Variants in DAAM1 observed in about 807,000 individuals in gnomAD.
DAAM1 encodes disheveled-associated activator of morphogenesis 1.
In DAAM1, 52 loss-of-function variants were observed where a neutral mutation model predicts 130.0. The ratio of observed to expected loss-of-function variants is 0.40; its 90% confidence interval spans 0.32 to 0.50. The LOEUF (loss-of-function observed/expected upper bound fraction) is 0.50, where lower values mean the gene tolerates loss of function less well. Ranked by LOEUF, DAAM1 falls within the 20% of genes least tolerant of loss-of-function variation. DAAM1 has a pLI of 0.61. For missense variants in DAAM1, 1,134 were observed against 1,303.8 expected (o/e 0.87, Z 2.01); for synonymous variants, 452 against 444.5 (o/e 1.02, Z -0.21).
intron 15 of DAAM1, among the ~76,000 whole-genome samples, chr14:59,335,909 A>G (rs1440689170): frequency 2.0e-5 from 3 of 152,042 alleles, no homozygotes; most frequent in South Asian, 2.1e-4. Flanking sequence ...TTTTTATTCT[A>G]TAGGTATAAT....
intron 1 of DAAM1, among the ~76,000 whole-genome samples, chr14:59,203,185 T>A (rs1888165273): frequency 1.4e-5 from 2 of 141,994 alleles, no homozygotes; most frequent in South Asian, 4.4e-4. Flanking sequence ...TTTTTTTGTA[T>A]TTTTAGTAGA....
intron 12 of DAAM1, among the ~76,000 whole-genome samples, chr14:59,328,019 T>A (rs951620893): frequency 6.6e-6 from 1 of 152,262 alleles, no homozygotes; most frequent in African/African-American, 2.4e-5. Flanking sequence ...TACCATGCTC[T>A]CACCATACTG....
At position 59,371,121 on chromosome 14, in the gene DAAM1, C is replaced by T. The variant is rs1294075601; in HGVS notation, c.*2262C>T. On this transcript the variant is annotated 3_prime_UTR_variant, in exon 25 of 25. Transcript: ENST00000360909. ...GAAAAAAAAAAAACAAAAAAAAAAC[C>T]TACTTTTTAGATTGGTGCTGGTGTA... 1 of 148,024 alleles carries T rather than the reference C, an allele frequency of 6.8e-6. No homozygotes were observed. The highest frequency in any genetic ancestry group is 2.5e-5 in the African/African-American group (1 of 40,488). 9.2% of individuals were successfully genotyped at this position (148,024 alleles called of 1,614,324 possible).
At chr14:59,368,034 T>TGTA (rs1273114642) in intron 24 of DAAM1, among the ~76,000 whole-genome samples, 2 of 152,100 alleles carry the variant, frequency 1.3e-5, no homozygotes, top group South Asian at 2.1e-4. Context: ...GATTTCTACA[T>TGTA]GAAATCTTTT....
Position 59,275,653 on chromosome 14 carries a change from G to A in DAAM1, c.183+11993G>A, listed in dbSNP as rs918554933. Among the ~76,000 whole-genome samples the A allele has an allele frequency of 2.0e-5, 3 of 152,150 alleles. No homozygotes were observed. The East Asian group carries it at 5.8e-4, about 29-fold the overall frequency. On this transcript the variant is annotated intron_variant, in intron 2 of 24. Coordinates refer to ENST00000360909, the MANE Select transcript of DAAM1 (RefSeq NM_001270520.2). ...TAACGGTAAAAAAGCTGAATAAAAA[G>A]CCTATGTGTTTAGCTGCAGACTTTG... is the stretch of plus-strand genomic sequence containing the variant.
intron 1 of DAAM1, among the ~76,000 whole-genome samples, chr14:59,189,926 A>G (rs1404860047): frequency 6.6e-6 from 1 of 151,976 alleles, no homozygotes; most frequent in Non-Finnish European, 1.5e-5. Context: ...CTTTCTGGAG[A>G]GCATCAAGAG....
chr14:59,324,125 TAGAC>T lies in DAAM1; in HGVS notation c.775-1_777del. 7.2e-7 allele frequency: 1 copy of T among 1,386,930 alleles called. No individual in the cohort carries two copies. The highest frequency in any genetic ancestry group is 9.4e-7 in the Non-Finnish European group (1 of 1,059,226). 85.9% of individuals were successfully genotyped at this position (1,386,930 alleles called of 1,614,324 possible). Reference sequence around the variant, plus strand: ...CAGTCCTTTGTTTTTCTATTTTTGATAGACATTAATTAACGACTTGGATAAAAGC... The same window carrying T: ...CAGTCCTTTGTTTTTCTATTTTTGATATTAATTAACGACTTGGATAAAAGC... On this transcript the variant is annotated splice_acceptor_variant and coding_sequence_variant, in exon 7 of 25. Coordinates refer to ENST00000360909, the MANE Select transcript of DAAM1 (RefSeq NM_001270520.2). LOFTEE classifies it high-confidence loss of function.
At chr14:59,289,048 TG>T in intron 2 of DAAM1, among the ~76,000 whole-genome samples, 2 of 152,286 alleles carry the variant, frequency 1.3e-5, no homozygotes, top group African/African-American at 4.8e-5. Flanking sequence ...CCTGAGTAGC[TG>T]GGACTACAGG....
At chr14:59,266,956 G>T (rs902375605) in intron 2 of DAAM1, among the ~76,000 whole-genome samples, 1 of 152,276 alleles carries the variant, frequency 6.6e-6, no homozygotes, top group Non-Finnish European at 1.5e-5. Flanking sequence ...TGCTGATAGG[G>T]TTGGTGTAGA....
intron 22 of DAAM1, among the ~76,000 whole-genome samples, 155 bp downstream of exon 22, chr14:59,361,017 A>G (rs1209407233): frequency 6.6e-6 from 1 of 152,196 alleles, no homozygotes; most frequent in African/African-American, 2.4e-5. Context: ...AAGCAAAGGC[A>G]GGTTATGTTC....
intron 15 of DAAM1, among the ~76,000 whole-genome samples, chr14:59,337,337 T>C (rs1203800302): frequency 2.6e-5 from 4 of 152,172 alleles, no homozygotes; most frequent in African/African-American, 7.2e-5. Context: ...TAAATGCCAT[T>C]CTAGAAAAGC....
chr14:59,235,972 A>G (rs1889282950), intron 1 of DAAM1, among the ~76,000 whole-genome samples: 1 of 152,160 alleles, frequency 6.6e-6, no homozygotes, highest in Non-Finnish European at 1.5e-5. Context: ...ACTTAGGAAA[A>G]TAGACTTGAT....
intron 1 of DAAM1, among the ~76,000 whole-genome samples, chr14:59,203,905 A>C (rs764964889): frequency 6.6e-6 from 1 of 152,226 alleles, no homozygotes; most frequent in Non-Finnish European, 1.5e-5. Flanking sequence ...TGTGTTGGAT[A>C]AGAAATGTTT....
At chr14:59,233,004 T>A (rs1482495561) in intron 1 of DAAM1, among the ~76,000 whole-genome samples, 1 of 152,208 alleles carries the variant, frequency 6.6e-6, no homozygotes, top group Admixed American at 6.5e-5. Context: ...TTCCATGGTG[T>A]GTATGTACCA....
chr14:59,355,196 G>C lies in DAAM1; in HGVS notation c.2388G>C (p.Arg796Ser), dbSNP rs374180933. ...GTTCTGGCTCAGAAGAGGTGTTTAGGAGTGGTGCCCTCAAGCAGTTGCTGG... is the reference window on the plus strand; with the variant it reads ...GTTCTGGCTCAGAAGAGGTGTTTAGCAGTGGTGCCCTCAAGCAGTTGCTGG... ...AIRSGSEEVF[R>S]SGALKQLLEV... is the part of the protein sequence containing the mutation. The change falls in exon 20 of 25, where the codon AGG (arginine) becomes AGC (serine). Residue 796 changes from arginine to serine, a missense_variant. Transcript: ENST00000360909. The C allele has an allele frequency of 6.2e-7, 1 of 1,614,002 alleles. No homozygotes were observed. Among genetic ancestry groups the C allele is most frequent in the Non-Finnish European group, 8.5e-7 (1 of 1,179,994 alleles).
chr14:59,293,923 A>C (rs1302830785), intron 3 of DAAM1, among the ~76,000 whole-genome samples: 2 of 152,192 alleles, frequency 1.3e-5, no homozygotes, highest in Admixed American at 1.3e-4. Context: ...CGTTAATATT[A>C]AGAACAGATT....
chr14:59,328,213 A>G (rs533533298), intron 12 of DAAM1, among the ~76,000 whole-genome samples: 46 of 152,356 alleles, frequency 3.0e-4, no homozygotes, highest in Admixed American at 2.7e-3. Flanking sequence ...GAAAATACCA[A>G]TTGTGAACTA....
intron 3 of DAAM1, 30 bp downstream of exon 3, chr14:59,291,336 T>G: frequency 2.0e-6 from 3 of 1,520,114 alleles, no homozygotes; most frequent in Non-Finnish European, 2.7e-6. Flanking sequence ...TATGGTTAAC[T>G]GGAAAATAAT....
rs2139429844 is a variant in DAAM1, at chr14:59,222,667, A to T, written c.-38+33899A>T. The stretch of plus-strand genomic sequence containing the variant: ...CTGACTGGCATCCATAGAATAGGTC[A>T]TTCTATCCACTTGAAATCCTCCTCT... On this transcript the variant is annotated intron_variant, in intron 1 of 24. Coordinates refer to ENST00000360909, the MANE Select transcript of DAAM1 (RefSeq NM_001270520.2). Among the ~76,000 whole-genome samples, 4 of 152,342 alleles carry T rather than the reference A, an allele frequency of 2.6e-5. 1 individual carries two copies. The Middle Eastern group carries it at 0.01, about 389-fold the overall frequency.
Sources: gnomAD v4.1 joint callset for allele counts (sites outside exome capture counted in the v4.1 genomes callset) on GRCh38, gnomAD v4.1.1 for gene constraint, MANE v1.5 for transcripts, NCBI Gene and HGNC (gene_info 2026-07-23, HGNC 2026-07-21) for gene names.